CNTN5: variants seen among roughly 807,000 people sequenced by gnomAD.
CNTN5 encodes contactin-5.
CNTN5 carries 77 observed loss-of-function variants against 129.1 expected under a neutral mutation model. The observed-to-expected ratio is 0.60, with a 90% CI of 0.50 to 0.72. The LOEUF (loss-of-function observed/expected upper bound fraction) is 0.72, where lower values mean the gene tolerates loss of function less well. CNTN5 is among the 30% of genes least tolerant of loss of function. The pLI is 0.00. For synonymous variants in CNTN5, 509 were observed against 465.6 expected (o/e 1.09, Z -1.20); for missense variants, 1,478 against 1,328.8 (o/e 1.11, Z -1.75).
chr11:99,625,579 TAA>T (rs1158827995), intron 3 of CNTN5, among the ~76,000 whole-genome samples: 1 of 152,178 alleles, frequency 6.6e-6, no homozygotes, highest in Non-Finnish European at 1.5e-5. Context: ...CAAAATACAT[TAA>T]GATATGTACA....
intron 1 of CNTN5, among the ~76,000 whole-genome samples, chr11:99,062,791 G>T (rs1864942289): frequency 6.6e-6 from 1 of 152,056 alleles, no homozygotes; most frequent in Non-Finnish European, 1.5e-5. Context: ...ATGCCAGGAA[G>T]AATTTTTCTA....
Position 99,222,313 on chromosome 11 carries a change from A to G in CNTN5, c.-209-103033A>G, listed in dbSNP as rs1256592742. Among the ~76,000 whole-genome samples, 4 of 152,006 alleles carry G rather than the reference A, an allele frequency of 2.6e-5. No individual in the cohort carries two copies. In the East Asian group the frequency reaches 7.7e-4, roughly 29 times the overall value. On this transcript the variant is annotated intron_variant, in intron 1 of 24. Coordinates refer to ENST00000524871, the MANE Select transcript of CNTN5 (RefSeq NM_014361.4). ...TATAGATAAATACAATATAAAAGGA[A>G]GGAAGTAGGGAAGGAAGGATAAAGG...
intron 2 of CNTN5, among the ~76,000 whole-genome samples, chr11:99,442,608 T>C (rs1251732855): frequency 6.6e-6 from 1 of 152,240 alleles, no homozygotes; most frequent in Non-Finnish European, 1.5e-5. Flanking sequence ...TCTATTCGTC[T>C]ATGTATGCTT....
chr11:99,571,599 A>G (rs1949176436), intron 3 of CNTN5, among the ~76,000 whole-genome samples: 2 of 152,206 alleles, frequency 1.3e-5, no homozygotes, highest in South Asian at 2.1e-4. Flanking sequence ...CAGGAAGCAC[A>G]TCTTTCTTCT....
At chr11:99,689,514 G>T (rs557143739) in intron 3 of CNTN5, among the ~76,000 whole-genome samples, 2 of 107,502 alleles carry the variant, frequency 1.9e-5, no homozygotes, top group Admixed American at 2.7e-4. Flanking sequence ...GCGACAGAGT[G>T]AGACTCCTCA....
intron 13 of CNTN5, among the ~76,000 whole-genome samples, chr11:100,092,101 T>C (rs1167113104): frequency 6.6e-6 from 1 of 152,100 alleles, no homozygotes; most frequent in Non-Finnish European, 1.5e-5. Context: ...TACTTTTTTA[T>C]GGTTAAAATA....
intron 15 of CNTN5, among the ~76,000 whole-genome samples, chr11:100,208,262 G>A (rs1948955717): frequency 6.6e-6 from 1 of 152,122 alleles, no homozygotes; most frequent in African/African-American, 2.4e-5. Flanking sequence ...TCATGATTCT[G>A]TGGGTTGGCA....
intron 8 of CNTN5, among the ~76,000 whole-genome samples, chr11:99,985,849 C>G (rs958651852): frequency 6.6e-6 from 1 of 152,160 alleles, no homozygotes; most frequent in Non-Finnish European, 1.5e-5. Flanking sequence ...ATATATACAT[C>G]AATGATCCAT....
chr11:99,289,464 C>G (rs1864078400), intron 1 of CNTN5, among the ~76,000 whole-genome samples: 1 of 151,686 alleles, frequency 6.6e-6, no homozygotes, highest in African/African-American at 2.4e-5. Flanking sequence ...TATCCTTTCT[C>G]TCTCTTCACT....
At chr11:100,250,678 G>T (rs577433256) in intron 16 of CNTN5, among the ~76,000 whole-genome samples, 1 of 151,960 alleles carries the variant, frequency 6.6e-6, no homozygotes, top group Admixed American at 6.6e-5. Context: ...AACCATATTT[G>T]GGCAAATAGA....
intron 3 of CNTN5, among the ~76,000 whole-genome samples, chr11:99,733,130 C>T (rs1223448164): frequency 6.6e-6 from 1 of 151,790 alleles, no homozygotes; most frequent in Non-Finnish European, 1.5e-5. Context: ...TCGAGACAAG[C>T]CCGGTCAAGA....
At chr11:99,861,376 C>G (rs1397600886) in intron 6 of CNTN5, among the ~76,000 whole-genome samples, 2 of 152,122 alleles carry the variant, frequency 1.3e-5, no homozygotes. Flanking sequence ...GTCATGCTTT[C>G]TTAAAATCTA....
chr11:100,195,061 T>TTCTTCCTTTAC (rs1746037779), intron 15 of CNTN5, among the ~76,000 whole-genome samples: 2 of 152,008 alleles, frequency 1.3e-5, no homozygotes, highest in African/African-American at 2.4e-5. Context: ...ATGGTTTTCC[T>TTCTTCCTTTAC]TCTTCCTTTA....
At chr11:99,772,887 AAAT>A (rs1174898267) in intron 3 of CNTN5, among the ~76,000 whole-genome samples, 1 of 152,110 alleles carries the variant, frequency 6.6e-6, no homozygotes, top group African/African-American at 2.4e-5. Flanking sequence ...TGTAGTTTGA[AAAT>A]AATTCAGTCT....
In CNTN5 at chr11:100,074,299, G is replaced by A. The variant is rs1451169137; in HGVS notation, c.1580+5G>A. 6.3e-6 allele frequency: 10 copies of A among 1,580,554 alleles called. No homozygotes were observed. The highest frequency in any genetic ancestry group is 8.6e-6 in the Non-Finnish European group (10 of 1,162,314). ...AGCAGTTAGAGAAAACAAAAGGTTAGAATCTATTTTATAATTCAAGTTCAA... is the reference window on the plus strand; with the variant it reads ...AGCAGTTAGAGAAAACAAAAGGTTAAAATCTATTTTATAATTCAAGTTCAA... On this transcript the variant is annotated splice_donor_5th_base_variant and intron_variant, in intron 13 of 24. Transcript: ENST00000524871.
chr11:99,800,387 T>A (rs1426147119), intron 3 of CNTN5, among the ~76,000 whole-genome samples: 1 of 152,158 alleles, frequency 6.6e-6, no homozygotes, highest in African/African-American at 2.4e-5. Flanking sequence ...TGTTGAAGTA[T>A]GTTTCATGTG....
At position 100,276,920 on chromosome 11, in the gene CNTN5, AT is replaced by A. The variant is rs199607764; in HGVS notation, c.2314+5688del. Among the ~76,000 whole-genome samples the A allele has an allele frequency of 9.9e-5, 15 of 150,770 alleles. No homozygotes were observed. In the East Asian group the frequency reaches 1.8e-3, roughly 18 times the overall value. On this transcript the variant is annotated intron_variant, in intron 18 of 24. Transcript: ENST00000524871. The stretch of plus-strand genomic sequence containing the variant: ...TACTAGGTCTTATTTATTCTTTCTA[AT>A]TTTTTTTTATATCCATTAACCATCT...
chr11:99,960,708 A>G (rs1361824562), intron 8 of CNTN5, among the ~76,000 whole-genome samples: 1 of 152,220 alleles, frequency 6.6e-6, no homozygotes, highest in Non-Finnish European at 1.5e-5. Flanking sequence ...GTGTTCAGAA[A>G]GGAACATGAG....
At position 99,843,421 on chromosome 11, in the gene CNTN5, A is replaced by C. The variant is rs554196258; in HGVS notation, c.278-1431A>C. On this transcript the variant is annotated intron_variant, in intron 4 of 24. Coordinates refer to ENST00000524871, the MANE Select transcript of CNTN5 (RefSeq NM_014361.4). ...ATTTTACTCCAAATTTGTTCTTCTAAATATAAGGTGTACATCTTTTCCCAG... is the reference window on the plus strand; with the variant it reads ...ATTTTACTCCAAATTTGTTCTTCTACATATAAGGTGTACATCTTTTCCCAG... Among the ~76,000 whole-genome samples, 4 of 152,344 alleles carry C rather than the reference A, an allele frequency of 2.6e-5. No homozygotes were observed. The South Asian group carries it at 8.3e-4, about 32-fold the overall frequency.
Sources: allele counts gnomAD v4.1 joint callset (sites outside exome capture counted in the v4.1 genomes callset), GRCh38; gene constraint gnomAD v4.1.1; transcripts MANE v1.5; gene names NCBI Gene and HGNC (gene_info 2026-07-23, HGNC 2026-07-21).